PLEKHA5: variants seen among roughly 807,000 people sequenced by gnomAD.
PLEKHA5 encodes pleckstrin homology domain containing A5.
In PLEKHA5, 55 loss-of-function variants were observed where a neutral mutation model predicts 181.9. That is an observed-to-expected ratio of 0.30 (90% CI 0.24 to 0.38). The LOEUF is 0.38. PLEKHA5 is among the 10% of genes least tolerant of loss of function. The pLI is 1.00. For synonymous variants in PLEKHA5, 535 were observed against 529.4 expected, an observed-to-expected ratio of 1.01 and a Z score of -0.15; for missense variants, 1,432 against 1,549.5, an observed-to-expected ratio of 0.92 and a Z score of 1.27.
chr12:19,186,190 G>C (rs550225867), intron 3 of PLEKHA5, among the ~76,000 whole-genome samples: 1 of 152,200 alleles, frequency 6.6e-6, no homozygotes, highest in African/African-American at 2.4e-5. Flanking sequence ...TGCTAATTTT[G>C]TTAGGAGTAA....
intron 3 of PLEKHA5, among the ~76,000 whole-genome samples, chr12:19,145,143 T>G (rs546055987): frequency 9.9e-4 from 151 of 152,222 alleles, no homozygotes; most frequent in African/African-American, 3.4e-3. Flanking sequence ...TATGAGTGTG[T>G]AGACAGATAT....
At chr12:19,183,213 T>C (rs1327530551) in intron 3 of PLEKHA5, among the ~76,000 whole-genome samples, 3 of 152,318 alleles carry the variant, frequency 2.0e-5, no homozygotes, top group Admixed American at 2.0e-4. Flanking sequence ...TTTACATAGA[T>C]AGATAGATGA....
intron 29 of PLEKHA5, among the ~76,000 whole-genome samples, chr12:19,363,336 T>A (rs141006274): frequency 0.02 from 3,081 of 151,542 alleles, 48 homozygotes; most frequent in Middle Eastern, 0.037. Flanking sequence ...TTTTTTATTT[T>A]TTTTTTTATT....
intron 29 of PLEKHA5, among the ~76,000 whole-genome samples, chr12:19,363,123 T>G (rs1420895326): frequency 7.2e-5 from 2 of 27,956 alleles, no homozygotes; most frequent in Admixed American, 9.4e-4. Flanking sequence ...TCTTTTTTTG[T>G]TTTTTTTTTG....
intron 20 of PLEKHA5, among the ~76,000 whole-genome samples, chr12:19,334,344 A>C (rs1220230750): frequency 1.3e-5 from 2 of 152,210 alleles, no homozygotes; most frequent in African/African-American, 4.8e-5. Context: ...GTGCCTCTTC[A>C]CTTCTAAAAT....
At chr12:19,290,837 C>G in intron 14 of PLEKHA5, 41 bp downstream of exon 14, 2 of 1,494,026 alleles carry the variant, frequency 1.3e-6, no homozygotes, top group Non-Finnish European at 1.8e-6. Context: ...CTGCCATCAT[C>G]TCTTATTTTG....
chr12:19,315,255 GT>G (rs1196512633), intron 16 of PLEKHA5, among the ~76,000 whole-genome samples: 5 of 152,096 alleles, frequency 3.3e-5, no homozygotes, highest in African/African-American at 1.2e-4. Context: ...AAAAGGCTTT[GT>G]AAAAATATTT....
intron 26 of PLEKHA5, 34 bp downstream of exon 26, chr12:19,354,036 TCTC>T: frequency 7.8e-6 from 8 of 1,029,604 alleles, no homozygotes; most frequent in Non-Finnish European, 1.2e-5. Context: ...CTAGGAAGAT[TCTC>T]ACATCTATTT....
At chr12:19,222,414 C>T (rs893945755) in intron 3 of PLEKHA5, among the ~76,000 whole-genome samples, 3 of 152,082 alleles carry the variant, frequency 2.0e-5, no homozygotes, top group East Asian at 1.9e-4. Context: ...ATGATTTGTT[C>T]GTTCTCAGCT....
chr12:19,311,262 C>CA (rs112913366), intron 15 of PLEKHA5, among the ~76,000 whole-genome samples: 11,550 of 98,810 alleles, frequency 0.12, 504 homozygotes, highest in Middle Eastern at 0.19. Flanking sequence ...CCTGTCTCTG[C>CA]AAAAAAAAAA....
At chr12:19,332,796 A>G (rs2092978706) in intron 20 of PLEKHA5, among the ~76,000 whole-genome samples, 1 of 152,202 alleles carries the variant, frequency 6.6e-6, no homozygotes, top group Non-Finnish European at 1.5e-5. Flanking sequence ...AGTAGCTGGG[A>G]CTACAGACAT....
At chr12:19,259,283 A>G (rs544165152) in intron 6 of PLEKHA5, among the ~76,000 whole-genome samples, 20 of 152,094 alleles carry the variant, frequency 1.3e-4, no homozygotes, top group African/African-American at 4.3e-4. Flanking sequence ...TGGGAGGATC[A>G]CTTGAGCCCA....
In PLEKHA5 at chr12:19,333,918, T is replaced by G. The variant is rs570274716; in HGVS notation, c.2449-2597T>G. ...GCCACCGCACCTGGCCTTCATTTAT[T>G]CTTTTAACTGTATAGCCTGGCATTC... On this transcript the variant is annotated intron_variant, in intron 20 of 31. Coordinates refer to ENST00000429027, the MANE Select transcript of PLEKHA5 (RefSeq NM_001256470.2). Among the ~76,000 whole-genome samples the G allele has an allele frequency of 2.0e-5, 3 of 152,262 alleles. No homozygotes were observed. In the East Asian group the frequency reaches 5.8e-4, roughly 30 times the overall value.
chr12:19,216,915 C>T (rs1324925096), intron 3 of PLEKHA5, among the ~76,000 whole-genome samples: 2 of 152,128 alleles, frequency 1.3e-5, no homozygotes, highest in Non-Finnish European at 2.9e-5. Context: ...CTTTCCTTGA[C>T]TCTCTCTCCA....
intron 3 of PLEKHA5, among the ~76,000 whole-genome samples, chr12:19,203,782 G>A (rs1238614911): frequency 6.6e-6 from 1 of 152,008 alleles, no homozygotes; most frequent in Admixed American, 6.6e-5. Flanking sequence ...TTTCCATTGT[G>A]TATTGCAGCG....
At chr12:19,231,613 A>ATTATATATGTACACAAATAT in intron 3 of PLEKHA5, among the ~76,000 whole-genome samples, 1 of 32,456 alleles carries the variant, frequency 3.1e-5, no homozygotes, top group Non-Finnish European at 8.3e-5. Flanking sequence ...TATATATATA[A>ATTATATATGTACACAAATAT]ATACTCATAA....
At position 19,347,883 on chromosome 12, in the gene PLEKHA5, T is replaced by TTC. The variant is rs1491485517; in HGVS notation, c.2899-515_2899-514insCT. ...GTTCCTAAGAGGAACAGAAATATTC[T>TTC]TTTTTTTTTTTTTTTTTTTGAGACA... On this transcript the variant is annotated intron_variant, in intron 24 of 31. Coordinates refer to ENST00000429027, the MANE Select transcript of PLEKHA5 (RefSeq NM_001256470.2). Among the ~76,000 whole-genome samples the TTC allele has an allele frequency of 7.7e-4, 57 of 73,568 alleles. 2 individuals are homozygous for TTC. The highest frequency in any genetic ancestry group is 2.2e-4 in the Non-Finnish European group (10 of 44,480). The allele number at this position is 73,568 out of a possible 152,430, so 48.3% of individuals were successfully genotyped here.
At position 19,250,888 on chromosome 12, in the gene PLEKHA5, G is replaced by A. The variant is rs1300232002; in HGVS notation, c.228-3052G>A. Among the ~76,000 whole-genome samples, 5 of 152,140 alleles carry A rather than the reference G, an allele frequency of 3.3e-5. No individual in the cohort carries two copies. In the East Asian group the frequency reaches 9.7e-4, roughly 29 times the overall value. On this transcript the variant is annotated intron_variant, in intron 3 of 31. Transcript: ENST00000429027. Reference sequence around the variant, plus strand: ...CATGCAAAATCTGGAAACAAAAAACGCAGGGCTTGGGGGGAAAATGGATCT... The same window carrying A: ...CATGCAAAATCTGGAAACAAAAAACACAGGGCTTGGGGGGAAAATGGATCT...
At chr12:19,178,316 A>G (rs945190824) in intron 3 of PLEKHA5, among the ~76,000 whole-genome samples, 12 of 152,216 alleles carry the variant, frequency 7.9e-5, no homozygotes, top group African/African-American at 2.7e-4. Flanking sequence ...TTCCCTAGGT[A>G]AATGCAGGAG....
Sources: gnomAD v4.1 joint callset for allele counts (sites outside exome capture counted in the v4.1 genomes callset) on GRCh38, gnomAD v4.1.1 for gene constraint, MANE v1.5 for transcripts, NCBI Gene and HGNC (gene_info 2026-07-23, HGNC 2026-07-21) for gene names.